Variants in MAFG observed in about 807,000 individuals in gnomAD.
MAFG encodes MAF bZIP transcription factor G.
Under a neutral mutation model 12.2 loss-of-function variants are expected in MAFG, and 3 were observed. The ratio of observed to expected loss-of-function variants is 0.25; its 90% CI spans 0.11 to 0.64. MAFG has a LOEUF of 0.64. MAFG is among the 30% of genes least tolerant of loss of function. MAFG has a pLI of 0.85. For missense variants in MAFG, 153 were observed against 235.5 expected (o/e 0.65, Z 2.29); for synonymous variants, 126 against 109.1 (o/e 1.15, Z -0.96).
At chr17:81,925,807 CAAA>C (rs753192299) in intron 1 of MAFG, among the ~76,000 whole-genome samples, 3 of 47,250 alleles carry the variant, frequency 6.3e-5, no homozygotes, top group Admixed American at 2.2e-4. Flanking sequence ...GACTCCGTCT[CAAA>C]AAAAAAAAAA....
upstream of MAFG, among the ~76,000 whole-genome samples, chr17:81,931,075 G>A (rs1033365966): frequency 3.3e-5 from 5 of 152,160 alleles, no homozygotes; most frequent in Admixed American, 2.0e-4. Context: ...TCTCACGCAC[G>A]TCAGGAGCCT....
At chr17:81,930,123 G>A (rs2143837621), upstream of MAFG, 1 of 152,562 alleles carries the variant, frequency 6.6e-6, no homozygotes, top group South Asian at 2.1e-4. This position sits in a 1 kb window ranked among gnomAD's most constrained non-coding sequence, Gnocchi z 4.1. Flanking sequence ...CGGGAGGGAG[G>A]TGCTAGCGTC....
intron 1 of MAFG, among the ~76,000 whole-genome samples, chr17:81,923,868 G>A (rs2143820176): frequency 6.6e-6 from 1 of 152,322 alleles, no homozygotes; most frequent in South Asian, 2.1e-4. Context: ...GAGGCTACAG[G>A]GAACCCCGAG....
At chr17:81,925,313 G>A (rs1353307519) in intron 1 of MAFG, among the ~76,000 whole-genome samples, 2 of 152,204 alleles carry the variant, frequency 1.3e-5, no homozygotes, top group Non-Finnish European at 2.9e-5. Context: ...AGGAAAGGGA[G>A]GGAGATTTGG....
Position 81,922,887 on chromosome 17 carries a change from G to T in MAFG, c.207C>A (p.Arg69=), listed in dbSNP as rs766058581. ...CCTCCTTCTGCGTCACCCGCTTCAC[G>T]CGGCAGCTGGCAGCGTAGCCGCGGT... The part of the protein sequence containing the change: ...LKNRGYAASC[R]VKRVTQKEEL... The change falls in exon 3 of 3, where the codon CGC becomes CGA. Residue 69 remains arginine, a synonymous_variant. Coordinates refer to ENST00000357736, the MANE Select transcript of MAFG (RefSeq NM_002359.4). 1 of 1,610,948 alleles carries T rather than the reference G, an allele frequency of 6.2e-7. No homozygotes were observed. The highest frequency in any genetic ancestry group is 2.2e-5 in the East Asian group (1 of 44,818).
At position 81,921,533 on chromosome 17, in the gene MAFG, G is replaced by C; in HGVS notation, c.*1072C>G. 6.6e-6 allele frequency: 1 copy of C among 151,694 alleles called. No homozygotes were observed. The allele number at this position is 151,694 out of a possible 1,614,324, so 9.4% of individuals were successfully genotyped here. ...AATTGCAAAAGATATCAAAGAGGACGGCCTTCTGGTCGGCTCACGGCTTGG... is the reference window on the plus strand; with the variant it reads ...AATTGCAAAAGATATCAAAGAGGACCGCCTTCTGGTCGGCTCACGGCTTGG... On this transcript the variant is annotated 3_prime_UTR_variant, in exon 3 of 3. Coordinates refer to ENST00000357736, the MANE Select transcript of MAFG (RefSeq NM_002359.4).
chr17:81,923,101 A>G (rs1309478037), intron 2 of MAFG, 44 bp from the exon 3 acceptor site: 4 of 1,610,436 alleles, frequency 2.5e-6, no homozygotes, highest in South Asian at 1.1e-5. Context: ...GGGCACGCCC[A>G]CTGTGCCCCC....
At position 81,920,878 on chromosome 17, in the gene MAFG, C is replaced by A. The variant is rs2040882358; in HGVS notation, c.*1727G>T. 1 of 152,536 alleles carries A rather than the reference C, an allele frequency of 6.6e-6. No individual in the cohort carries two copies. Among genetic ancestry groups the A allele is most frequent in the Non-Finnish European group, 1.5e-5 (1 of 68,282 alleles). 9.4% of individuals were successfully genotyped at this position (152,536 alleles called of 1,614,324 possible). A position where few individuals can be genotyped will look rare whatever the true frequency, so the allele number is the denominator to read the frequency against. On this transcript the variant is annotated 3_prime_UTR_variant, in exon 3 of 3. Transcript: ENST00000357736. ...AAGGGCGGTGCCCGGTGGGCCCCCA[C>A]CCACTCTGCCTGGAAGCACCACCCG...
At chr17:81,928,886 C>T (rs1598349339), upstream of MAFG, among the ~76,000 whole-genome samples, 1 of 152,202 alleles carries the variant, frequency 6.6e-6, no homozygotes, top group East Asian at 1.9e-4. The surrounding 1 kb of genome is among the most constrained non-coding windows in gnomAD (Gnocchi z 8.1). Context: ...GCGCCCTGAG[C>T]CGCTGGGCAT....
In MAFG at chr17:81,921,706, T is replaced by G. The variant is rs1030127641; in HGVS notation, c.*899A>C. ...TTTTTTTCTTTTTTTTTCTTTTTTTTTTAACTAGCAAAGTTTCTATTATAC... is the reference window on the plus strand; with the variant it reads ...TTTTTTTCTTTTTTTTTCTTTTTTTGTTAACTAGCAAAGTTTCTATTATAC... On this transcript the variant is annotated 3_prime_UTR_variant, in exon 3 of 3. Coordinates refer to ENST00000357736, the MANE Select transcript of MAFG (RefSeq NM_002359.4). The G allele has an allele frequency of 6.6e-6, 1 of 151,994 alleles. No individual in the cohort carries two copies. Among genetic ancestry groups the G allele is most frequent in the Non-Finnish European group, 1.5e-5 (1 of 68,020 alleles). 9.4% of individuals were successfully genotyped at this position (151,994 alleles called of 1,614,324 possible).
Position 81,923,046 on chromosome 17 carries a change from C to G in MAFG, c.48G>C (p.Glu16Asp). ...TCAGGCTGGTGCCATTCTCACCCGG[C>G]TCCCGCTTCACCTGGGGCACAGTGC... ...KGNKALKVKR[E>D]PGENGTSLTD... The change falls in exon 3 of 3, where the codon GAG becomes GAC. Residue 16 changes from glutamate to aspartate, a missense_variant. Physicochemically the swap from Glu to Asp is conservative, Grantham distance 45. Around this residue, in one of 3 missense-constraint regions of MAFG, gnomAD observed 43 missense variants for 65.6 expected, o/e 0.66. Transcript: ENST00000357736. 2.5e-6 allele frequency: 4 copies of G among 1,600,656 alleles called. No individual in the cohort carries two copies. The highest frequency in any genetic ancestry group is 3.4e-6 in the Non-Finnish European group (4 of 1,173,428).
chr17:81,923,274 C>A (rs1598347706), intron 1 of MAFG, 60 bp from the exon 2 acceptor site: 3 of 966,446 alleles, frequency 3.1e-6, no homozygotes, highest in East Asian at 3.9e-5. Context: ...CCCCCCCCCC[C>A]CGCCCCCGGC....
Position 81,926,401 on chromosome 17 carries a change from A to T in MAFG, c.-30+1127T>A, listed in dbSNP as rs1023832936. On this transcript the variant is annotated intron_variant, in intron 1 of 2. Coordinates refer to ENST00000357736, the MANE Select transcript of MAFG (RefSeq NM_002359.4). The surrounding 1 kb of genome is among the most constrained non-coding windows in gnomAD (Gnocchi z 4.6). ...AGTCTCAACCCAGACTCCAGGGCCA[A>T]CTGGGGAGAGAGGCTGGGCTGCTTC... 4.6e-5 allele frequency among the ~76,000 whole-genome samples: 7 copies of T among 152,074 alleles called. No homozygotes were observed. Among genetic ancestry groups the T allele is most frequent in the African/African-American group, 9.7e-5 (4 of 41,396 alleles).
chr17:81,927,780 C>G (rs1015511726), upstream of MAFG: 1 of 152,198 alleles, frequency 6.6e-6, no homozygotes, highest in South Asian at 2.1e-4. Flanking sequence ...GCGACGCGGC[C>G]GGCCGGCGCT....
At position 81,922,496 on chromosome 17, in the gene MAFG, T is replaced by G; in HGVS notation, c.*109A>C. 5 of 851,154 alleles carry G rather than the reference T, an allele frequency of 5.9e-6. No individual in the cohort carries two copies. The highest frequency in any genetic ancestry group is 3.2e-5 in the East Asian group (1 of 31,216). 52.7% of individuals were successfully genotyped at this position (851,154 alleles called of 1,614,324 possible). A position where few individuals can be genotyped will look rare whatever the true frequency, so the allele number is the denominator to read the frequency against. On this transcript the variant is annotated 3_prime_UTR_variant, in exon 3 of 3. Coordinates refer to ENST00000357736, the MANE Select transcript of MAFG (RefSeq NM_002359.4). ...GTGCTTTGCAGGGAAGAGAGAAGGG[T>G]GGGGAAGAGAGGGAGGAAAGAGAAG...
At chr17:81,925,149 G>A (rs1024665460) in intron 1 of MAFG, among the ~76,000 whole-genome samples, 2 of 152,188 alleles carry the variant, frequency 1.3e-5, no homozygotes, top group African/African-American at 2.4e-5. Flanking sequence ...AGCTGCCCCC[G>A]CCCTCCTCCA....
rs1312520797 is a variant in MAFG, at chr17:81,922,612, C to T, written c.482G>A (p.Arg161Gln). 5 of 1,468,210 alleles carry T rather than the reference C, an allele frequency of 3.4e-6. No homozygotes were observed. Among genetic ancestry groups the T allele is most frequent in the African/African-American group, 2.9e-5 (2 of 68,468 alleles). 90.9% of individuals were successfully genotyped at this position (1,468,210 alleles called of 1,614,324 possible). ...ITIVKSKTDARS is the reference protein window; with the variant it reads ...ITIVKSKTDAQS ...CTGGGCAGACGCGCGTCCCTACGATCGGGCATCCGTCTTGGACTTTACTAT... is the reference window on the plus strand; with the variant it reads ...CTGGGCAGACGCGCGTCCCTACGATTGGGCATCCGTCTTGGACTTTACTAT... Residue 161 changes from arginine to glutamine, a missense_variant, in exon 3 of 3, where the codon CGA (arginine) becomes CAA (glutamine). Around this residue, in one of 3 missense-constraint regions of MAFG, gnomAD observed 81 missense variants for 94.7 expected, o/e 0.86. Transcript: ENST00000357736.
chr17:81,927,353 G>A (rs1436209156), intron 1 of MAFG, among the ~76,000 whole-genome samples, 175 bp downstream of exon 1: 1 of 151,388 alleles, frequency 6.6e-6, no homozygotes, highest in Non-Finnish European at 1.5e-5. Flanking sequence ...TGGGGAAATC[G>A]AGGCACGGGC....
rs2040923685 is a variant in MAFG at position 81,924,309 on chromosome 17, C to G, written c.-29-1095G>C. 1 of 152,338 alleles carries G rather than the reference C, an allele frequency of 6.6e-6. No individual in the cohort carries two copies. Among genetic ancestry groups the G allele is most frequent in the Non-Finnish European group, 1.5e-5 (1 of 68,136 alleles). The allele number at this position is 152,338 out of a possible 1,614,324, so 9.4% of individuals were successfully genotyped here. ...CCCCACTCGGGGTCCCTCCAGCACT[C>G]TGCTCTCACTTTCTTGCTAAGGATG... On this transcript the variant is annotated intron_variant, in intron 1 of 2. Transcript: ENST00000357736. This position sits in a 1 kb window ranked among gnomAD's most constrained non-coding sequence, Gnocchi z 4.7.
Sources: allele counts gnomAD v4.1 joint callset (sites outside exome capture counted in the v4.1 genomes callset), GRCh38; gene constraint gnomAD v4.1.1; regional missense constraint gnomAD v4.1.1; non-coding constraint Gnocchi (gnomAD v3.1); transcripts MANE v1.5; gene names NCBI Gene and HGNC (gene_info 2026-07-23, HGNC 2026-07-21).